The following TSPAN32 variants were observed in gnomAD, a reference collection of about 807,000 sequenced individuals.
TSPAN32 encodes the protein tetraspanin-32.
In TSPAN32, 47 loss-of-function variants were observed where a neutral mutation model predicts 42.7. The ratio of observed to expected loss-of-function variants is 1.10; its 90% CI spans 0.87 to 1.40. The LOEUF is 1.40. TSPAN32 is among the 40% of genes most tolerant of loss of function. The pLI is 0.00. For synonymous variants in TSPAN32, 175 were observed against 175.9 expected, an observed-to-expected ratio of 0.99 and a Z score of 0.04; for missense variants, 469 against 424.1, an observed-to-expected ratio of 1.11 and a Z score of -0.93.
chr11:2,308,174 A>G (rs904662303), intron 3 of TSPAN32, among the ~76,000 whole-genome samples: 1 of 152,050 alleles, frequency 6.6e-6, no homozygotes, highest in South Asian at 2.1e-4. Context: ...AGAACAAGGG[A>G]TGAATTCCCA....
At position 2,317,273 on chromosome 11, in the gene TSPAN32, C is replaced by T; in HGVS notation, c.720-71C>T. The T allele has an allele frequency of 1.6e-6, 2 of 1,269,008 alleles. No homozygotes were observed. The highest frequency in any genetic ancestry group is 2.2e-6 in the Non-Finnish European group (2 of 901,262). 78.6% of individuals were successfully genotyped at this position (1,269,008 alleles called of 1,614,324 possible). ...AACAGCCCCATGATCCCCTCTAGAA[C>T]ATTCCACAATAGCCTCACAGGTCCC... On this transcript the variant is annotated intron_variant, in intron 8 of 9. Transcript: ENST00000182290. This position sits in a 1 kb window ranked among gnomAD's most constrained non-coding sequence, Gnocchi z 6.2.
intron 6 of TSPAN32, chr11:2,314,933 C>T (rs949556604): frequency 3.0e-6 from 1 of 331,192 alleles, no homozygotes; most frequent in Non-Finnish European, 5.8e-6. Flanking sequence ...GGGCTCTGTG[C>T]CAAGGGCTGC....
chr11:2,316,770 C>T, intron 8 of TSPAN32, 103 bp downstream of exon 8: 1 of 1,278,344 alleles, frequency 7.8e-7, no homozygotes, highest in Non-Finnish European at 1.1e-6. Flanking sequence ...CGGGACCAAG[C>T]CCCAGGCTGA....
chr11:2,312,975 AG>A (rs1256400490), intron 4 of TSPAN32, among the ~76,000 whole-genome samples: 1 of 152,160 alleles, frequency 6.6e-6, no homozygotes, highest in African/African-American at 2.4e-5. Flanking sequence ...GTAACTTGGC[AG>A]GGGAGAGCAT....
At chr11:2,315,388 T>A in intron 6 of TSPAN32, 1 of 1,134,540 alleles carries the variant, frequency 8.8e-7, no homozygotes. Flanking sequence ...ACCAGCGGCA[T>A]TGGGGGCAGG....
intron 2 of TSPAN32, 125 bp from the exon 3 acceptor site, chr11:2,303,982 C>A: frequency 1.5e-6 from 1 of 685,782 alleles, no homozygotes; most frequent in Non-Finnish European, 2.5e-6. Context: ...GAGACAGGCC[C>A]ATTCAGAGCC....
Position 2,316,274 on chromosome 11 carries a change from G to T in TSPAN32, c.589G>T (p.Val197Phe). 2 of 1,603,626 alleles carry T rather than the reference G, an allele frequency of 1.2e-6. No homozygotes were observed. The highest frequency in any genetic ancestry group is 1.1e-5 in the South Asian group (1 of 89,432). ...GAGCTTCCTGAGGACACACCAGCAG[G>T]TCGCCTCCAGCCTGACCAGCATCGG... Reference protein sequence around the residue: ...IRSFLRTHQQVASSLTSIGLA... With the variant: ...IRSFLRTHQQFASSLTSIGLA... Residue 197 changes from valine to phenylalanine, a missense_variant, in exon 7 of 10, where the codon GTC becomes TTC. By Grantham distance (50) the Val-to-Phe change is conservative. Coordinates refer to ENST00000182290, the MANE Select transcript of TSPAN32 (RefSeq NM_139022.3).
rs765354088 is a variant in TSPAN32, at chr11:2,302,082, G to A, written c.-68G>A. 5 of 1,490,470 alleles carry A rather than the reference G, an allele frequency of 3.4e-6. No homozygotes were observed. In the African/African-American group the frequency reaches 7.1e-5, roughly 21 times the overall value. 92.3% of individuals were successfully genotyped at this position (1,490,470 alleles called of 1,614,324 possible). A position where few individuals can be genotyped will look rare whatever the true frequency, so the allele number is the denominator to read the frequency against. ...TCCTGGGCAGTGAGCTGCGGTCTGAGGCCCCTGCCCAGCTGGAAACCACAG... is the reference window on the plus strand; with the variant it reads ...TCCTGGGCAGTGAGCTGCGGTCTGAAGCCCCTGCCCAGCTGGAAACCACAG... On this transcript the variant is annotated 5_prime_UTR_variant, in exon 1 of 10. Coordinates refer to ENST00000182290, the MANE Select transcript of TSPAN32 (RefSeq NM_139022.3).
In TSPAN32 at chr11:2,318,104, T is replaced by C. The variant is rs574259493; in HGVS notation, c.*180T>C. On this transcript the variant is annotated 3_prime_UTR_variant, in exon 10 of 10. Transcript: ENST00000182290. This position sits in a 1 kb window ranked among gnomAD's most constrained non-coding sequence, Gnocchi z 4.2. ...ACCAGCAATGGTGCATTGAGCAAATTGTGGTCAAATATACATCACATCAAA... is the reference window on the plus strand; with the variant it reads ...ACCAGCAATGGTGCATTGAGCAAATCGTGGTCAAATATACATCACATCAAA... 2.3e-5 allele frequency: 13 copies of C among 568,996 alleles called. No individual in the cohort carries two copies. In the East Asian group the frequency reaches 3.6e-4, roughly 16 times the overall value. The allele number at this position is 568,996 out of a possible 1,614,324, so 35.2% of individuals were successfully genotyped here.
rs750010162 is a variant in TSPAN32 at position 2,302,146 on chromosome 11, C to T, written c.-4C>T. On this transcript the variant is annotated 5_prime_UTR_variant, in exon 1 of 10. Coordinates refer to ENST00000182290, the MANE Select transcript of TSPAN32 (RefSeq NM_139022.3). ...GGGGAGGAGAGGAGAGGAGAGGAAC[C>T]GTCATGGGGCCTTGGAGTCGAGTCA... 1.9e-5 allele frequency: 28 copies of T among 1,456,164 alleles called. No homozygotes were observed. The South Asian group carries it at 2.5e-4, about 13-fold the overall frequency. 90.2% of individuals were successfully genotyped at this position (1,456,164 alleles called of 1,614,324 possible).
intron 3 of TSPAN32, among the ~76,000 whole-genome samples, chr11:2,307,516 TGAAG>T (rs1848187585): frequency 1.3e-5 from 2 of 152,104 alleles, no homozygotes; most frequent in South Asian, 4.1e-4. Flanking sequence ...GGCACCAGCA[TGAAG>T]GCAAAGGCGG....
At position 2,313,953 on chromosome 11, in the gene TSPAN32, T is replaced by C. The variant is rs1442494709; in HGVS notation, c.456+198T>C. Among the ~76,000 whole-genome samples, 1 of 152,000 alleles carries C rather than the reference T, an allele frequency of 6.6e-6. No homozygotes were observed. Among genetic ancestry groups the C allele is most frequent in the African/African-American group, 2.4e-5 (1 of 41,408 alleles). On this transcript the variant is annotated intron_variant, in intron 5 of 9. Transcript: ENST00000182290. This position sits in a 1 kb window ranked among gnomAD's most constrained non-coding sequence, Gnocchi z 9.1. Reference sequence around the variant, plus strand: ...GCCCAGGACAAGGCCGCCTACCAGATTCTCGAGGCCCAGTGCAAAACGAGA... The same window carrying C: ...GCCCAGGACAAGGCCGCCTACCAGACTCTCGAGGCCCAGTGCAAAACGAGA...
At position 2,313,740 on chromosome 11, in the gene TSPAN32, G is replaced by A. The variant is rs764063848; in HGVS notation, c.441G>A (p.Ala147=). 3.7e-5 allele frequency: 60 copies of A among 1,600,136 alleles called. No individual in the cohort carries two copies. The highest frequency in any genetic ancestry group is 9.0e-5 in the South Asian group (8 of 88,896). The change falls in exon 5 of 10, where the codon GCG becomes GCA. Residue 147 remains alanine (A), a synonymous_variant. Transcript: ENST00000182290. The surrounding 1 kb of genome is among the most constrained non-coding windows in gnomAD (Gnocchi z 9.1). ...CCCACGTCCGGCGGCAGGAGCTGGC[G>A]GCCATCCAGGACGTGGTGAGCGTGG... ...GTSHVRRQEL[A]AIQDVFLCCG...
rs1473818744 is a variant in TSPAN32, at chr11:2,302,181, A to G, written c.32A>G (p.Lys11Arg). Residue 11 changes from lysine to arginine, a missense_variant, in exon 1 of 10, where the codon AAA becomes AGA. Physicochemically the swap from Lys to Arg is conservative, Grantham distance 26. Coordinates refer to ENST00000182290, the MANE Select transcript of TSPAN32 (RefSeq NM_139022.3). MGPWSRVRVAKCQMLVTCFFI... is the reference protein window; with the variant it reads MGPWSRVRVARCQMLVTCFFI... ...CCTTGGAGTCGAGTCAGGGTTGCCA[A>G]ATGCCAGATGCTGGTCACCTGCTTC... 4 of 1,414,570 alleles carry G rather than the reference A, an allele frequency of 2.8e-6. No homozygotes were observed. The South Asian group carries it at 7.3e-5, about 26-fold the overall frequency. 87.6% of individuals were successfully genotyped at this position (1,414,570 alleles called of 1,614,324 possible).
Position 2,304,171 on chromosome 11 carries a change from C to T in TSPAN32, c.246C>T (p.Ala82=), listed in dbSNP as rs1017116222. 5 of 1,587,130 alleles carry T rather than the reference C, an allele frequency of 3.2e-6. No individual in the cohort carries two copies. Among genetic ancestry groups the T allele is most frequent in the African/African-American group, 1.3e-5 (1 of 74,450 alleles). The part of the protein sequence containing the change: ...LTLGAVLSAA[A]TVREAQGLMA... ...TGGGAGCCGTGCTGAGCGCTGCAGC[C>T]ACCGTGAGGGAGGCCCAGGGCCTCA... The change falls in exon 3 of 10, where the codon GCC becomes GCT. Residue 82 remains alanine (A), a synonymous_variant. Coordinates refer to ENST00000182290, the MANE Select transcript of TSPAN32 (RefSeq NM_139022.3). The surrounding 1 kb of genome is among the most constrained non-coding windows in gnomAD (Gnocchi z 4.8).
At position 2,317,649 on chromosome 11, in the gene TSPAN32, A is replaced by C. The variant is rs1848887161; in HGVS notation, c.901+124A>C. On this transcript the variant is annotated intron_variant, in intron 9 of 9. Transcript: ENST00000182290. The surrounding 1 kb of genome is among the most constrained non-coding windows in gnomAD (Gnocchi z 6.2). The stretch of plus-strand genomic sequence containing the variant: ...TCCATTGGGAACAGATGCAAGGGTA[A>C]GGGGTAGCTCACCAAATCCCTCCAT... 5 of 1,480,878 alleles carry C rather than the reference A, an allele frequency of 3.4e-6. No individual in the cohort carries two copies. Among genetic ancestry groups the C allele is most frequent in the Non-Finnish European group, 4.5e-6 (5 of 1,122,544 alleles). The allele number at this position is 1,480,878 out of a possible 1,614,324, so 91.7% of individuals were successfully genotyped here. A position where few individuals can be genotyped will look rare whatever the true frequency, so the allele number is the denominator to read the frequency against.
At chr11:2,309,374 C>A (rs1564960331) in intron 4 of TSPAN32, 1 of 469,838 alleles carries the variant, frequency 2.1e-6, no homozygotes, top group Non-Finnish European at 4.4e-6. Context: ...TCCGGCCTAG[C>A]TGACCGTGGG....
intron 6 of TSPAN32, chr11:2,315,623 G>A (rs1443938609): frequency 1.6e-5 from 19 of 1,183,624 alleles, no homozygotes; most frequent in Non-Finnish European, 1.7e-5. Context: ...CGGGGGACAG[G>A]AGGGTGAGCC....
At chr11:2,305,712 G>T (rs1848040886) in intron 3 of TSPAN32, among the ~76,000 whole-genome samples, 1 of 152,218 alleles carries the variant, frequency 6.6e-6, no homozygotes, top group African/African-American at 2.4e-5. Flanking sequence ...CAAGGCCAGG[G>T]TGACTTGACA....
Sources: gnomAD v4.1 joint callset for allele counts (sites outside exome capture counted in the v4.1 genomes callset) on GRCh38, gnomAD v4.1.1 for gene constraint, Gnocchi (gnomAD v3.1) non-coding constraint, MANE v1.5 for transcripts, NCBI Gene and HGNC (gene_info 2026-07-23, HGNC 2026-07-21) for gene names.